The following KCNQ1OT1 variants were observed in gnomAD, a reference collection of about 807,000 sequenced individuals.
KCNQ1OT1 encodes the protein KCNQ1 opposite strand/antisense transcript 1.
rs2133887756 is a variant in KCNQ1OT1, at chr11:2,687,389, T to C, written n.12606A>G. On this transcript the variant is annotated non_coding_transcript_exon_variant, in exon 1 of 1. Transcript: ENST00000597346. The surrounding 1 kb of genome is among the most constrained non-coding windows in gnomAD (Gnocchi z 5.0). ...GCTGTCACTCAGGGCTGAGCTCTGC[T>C]GAAGGATCTGGGAGGTCAGTAGGCA... 2.5e-6 allele frequency: 1 copy of C among 398,664 alleles called. No individual in the cohort carries two copies. Among genetic ancestry groups the C allele is most frequent in the African/African-American group, 2.1e-5 (1 of 48,754 alleles). The allele number at this position is 398,664 out of a possible 1,614,324, so 24.7% of individuals were successfully genotyped here. A position where few individuals can be genotyped will look rare whatever the true frequency, so the allele number is the denominator to read the frequency against.
At chr11:2,632,695 C>A in exon 1 of KCNQ1OT1, 1 of 398,202 alleles carries the variant, frequency 2.5e-6, no homozygotes, top group Non-Finnish European at 4.4e-6. Flanking sequence ...TCTTTCTGTG[C>A]CTAATTTCAT....
Position 2,663,581 on chromosome 11 carries a change from G to C in KCNQ1OT1, n.36414C>G, listed in dbSNP as rs1850008687. 1 of 398,590 alleles carries C rather than the reference G, an allele frequency of 2.5e-6. No individual in the cohort carries two copies. Among genetic ancestry groups the C allele is most frequent in the South Asian group, 1.3e-4 (1 of 7,814 alleles). 24.7% of individuals were successfully genotyped at this position (398,590 alleles called of 1,614,324 possible). On this transcript the variant is annotated non_coding_transcript_exon_variant, in exon 1 of 1. Transcript: ENST00000597346. This position sits in a 1 kb window ranked among gnomAD's most constrained non-coding sequence, Gnocchi z 5.2. The stretch of plus-strand genomic sequence containing the variant: ...TTCTGGCTGCTTGCTTCTCCTGTTG[G>C]AGCTCTCGCTCACCTTGGTTCTCTT...
At position 2,613,015 on chromosome 11, in the gene KCNQ1OT1, T is replaced by C. The variant is rs369352207; in HGVS notation, n.86980A>G. 2.5e-6 allele frequency: 1 copy of C among 398,638 alleles called. No homozygotes were observed. The highest frequency in any genetic ancestry group is 4.4e-6 in the Non-Finnish European group (1 of 226,084). The allele number at this position is 398,638 out of a possible 1,614,324, so 24.7% of individuals were successfully genotyped here. ...TCAGTTTTGTTTGTTTTAATTCTTA[T>C]GTTTGTTTTGTAAGCCTGGCTTCAT... is the stretch of plus-strand genomic sequence containing the variant. On this transcript the variant is annotated non_coding_transcript_exon_variant, in exon 1 of 1. Coordinates refer to ENST00000597346, the Ensembl canonical transcript of KCNQ1OT1. This position sits in a 1 kb window ranked among gnomAD's most constrained non-coding sequence, Gnocchi z 4.8.
Position 2,659,073 on chromosome 11 carries a change from C to A in KCNQ1OT1, n.40922G>T, listed in dbSNP as rs185801652. 1.8e-4 allele frequency: 70 copies of A among 398,594 alleles called. No homozygotes were observed. Among genetic ancestry groups the A allele is most frequent in the South Asian group, 7.6e-4 (6 of 7,850 alleles). 24.7% of individuals were successfully genotyped at this position (398,594 alleles called of 1,614,324 possible). On this transcript the variant is annotated non_coding_transcript_exon_variant, in exon 1 of 1. Coordinates refer to ENST00000597346, the Ensembl canonical transcript of KCNQ1OT1. The surrounding 1 kb of genome is among the most constrained non-coding windows in gnomAD (Gnocchi z 4.3). ...TTGTTTGTAACACGCTCATCATAGT[C>A]TGCTTTTCATCGTAGGGTCCTCCAA...
chr11:2,628,219 T>C (rs1849291595), exon 1 of KCNQ1OT1: 2 of 398,532 alleles, frequency 5.0e-6, no homozygotes, highest in East Asian at 3.6e-5. Flanking sequence ...TATCGTGTTT[T>C]CCATAATGAC....
In KCNQ1OT1 at chr11:2,620,550, A is replaced by G. The variant is rs1274201151; in HGVS notation, n.79445T>C. 1 of 396,080 alleles carries G rather than the reference A, an allele frequency of 2.5e-6. No homozygotes were observed. The highest frequency in any genetic ancestry group is 4.4e-6 in the Non-Finnish European group (1 of 225,098). The allele number at this position is 396,080 out of a possible 1,614,324, so 24.5% of individuals were successfully genotyped here. Reference sequence around the variant, plus strand: ...CATTTTTATGGCTGCATAGTATTCCATGGTGTACATGTACCACATTTTCTT... The same window carrying G: ...CATTTTTATGGCTGCATAGTATTCCGTGGTGTACATGTACCACATTTTCTT... On this transcript the variant is annotated non_coding_transcript_exon_variant, in exon 1 of 1. Coordinates refer to ENST00000597346, the Ensembl canonical transcript of KCNQ1OT1. The surrounding 1 kb of genome is among the most constrained non-coding windows in gnomAD (Gnocchi z 4.5).
exon 1 of KCNQ1OT1, chr11:2,633,277 C>A (rs1260650940): frequency 2.5e-6 from 1 of 398,372 alleles, no homozygotes; most frequent in Non-Finnish European, 4.4e-6. Flanking sequence ...CTTGTATATT[C>A]CGGATATTAA....
At position 2,674,684 on chromosome 11, in the gene KCNQ1OT1, G is replaced by C. The variant is rs1252135823; in HGVS notation, n.25311C>G. 1 of 398,354 alleles carries C rather than the reference G, an allele frequency of 2.5e-6. No individual in the cohort carries two copies. The highest frequency in any genetic ancestry group is 3.6e-5 in the East Asian group (1 of 28,078). The allele number at this position is 398,354 out of a possible 1,614,324, so 24.7% of individuals were successfully genotyped here. ...TGCAAAATAATTTGAAAAGTTTGTT[G>C]AACCTTAAACCTTTCCTGATGACTC... On this transcript the variant is annotated non_coding_transcript_exon_variant, in exon 1 of 1. Coordinates refer to ENST00000597346, the Ensembl canonical transcript of KCNQ1OT1. This position sits in a 1 kb window ranked among gnomAD's most constrained non-coding sequence, Gnocchi z 5.9.
rs1849176976 is a variant in KCNQ1OT1 at position 2,621,811 on chromosome 11, G to C, written n.78184C>G. The C allele has an allele frequency of 2.5e-6, 1 of 397,916 alleles. No homozygotes were observed. Among genetic ancestry groups the C allele is most frequent in the South Asian group, 1.3e-4 (1 of 7,850 alleles). 24.6% of individuals were successfully genotyped at this position (397,916 alleles called of 1,614,324 possible). On this transcript the variant is annotated non_coding_transcript_exon_variant, in exon 1 of 1. Transcript: ENST00000597346. This position sits in a 1 kb window ranked among gnomAD's most constrained non-coding sequence, Gnocchi z 5.7. The stretch of plus-strand genomic sequence containing the variant: ...TTTATTTTTCAAAAATCAATTCTTT[G>C]TTTCAAAAATTGAAGTCTTAGTTTT...
chr11:2,634,642 G>T (rs1229076531), exon 1 of KCNQ1OT1: 1 of 152,080 alleles, frequency 6.6e-6, no homozygotes, highest in African/African-American at 2.4e-5. Flanking sequence ...ATAAACATAC[G>T]TGTGCATGTG....
At position 2,668,333 on chromosome 11, in the gene KCNQ1OT1, C is replaced by T; in HGVS notation, n.31662G>A. The T allele has an allele frequency of 2.5e-6, 1 of 398,614 alleles. No homozygotes were observed. Among genetic ancestry groups the T allele is most frequent in the Non-Finnish European group, 4.4e-6 (1 of 226,090 alleles). The allele number at this position is 398,614 out of a possible 1,614,324, so 24.7% of individuals were successfully genotyped here. On this transcript the variant is annotated non_coding_transcript_exon_variant, in exon 1 of 1. Coordinates refer to ENST00000597346, the Ensembl canonical transcript of KCNQ1OT1. The surrounding 1 kb of genome is among the most constrained non-coding windows in gnomAD (Gnocchi z 4.3). ...GGGGAATATATGCCTATGTGTGGAG[C>T]TGCAGGGTCCTGGGTGGGCATATGT...
chr11:2,660,842 T>C (rs1849941967), exon 1 of KCNQ1OT1: 1 of 398,606 alleles, frequency 2.5e-6, no homozygotes, highest in African/African-American at 2.1e-5. Context: ...CTCACCCTGC[T>C]CCAGTATGTC....
chr11:2,671,690 A>ATAG lies in KCNQ1OT1; in HGVS notation n.28302_28304dup. 1 of 398,796 alleles carries ATAG rather than the reference A, an allele frequency of 2.5e-6. No individual in the cohort carries two copies. Among genetic ancestry groups the ATAG allele is most frequent in the Non-Finnish European group, 4.4e-6 (1 of 226,202 alleles). 24.7% of individuals were successfully genotyped at this position (398,796 alleles called of 1,614,324 possible). ...AGAGCAGGGGTGACTTTGCAAGGCA[A>ATAG]TAGAGGGTACTTGGGAAGTAGGGTG... On this transcript the variant is annotated non_coding_transcript_exon_variant, in exon 1 of 1. Coordinates refer to ENST00000597346, the Ensembl canonical transcript of KCNQ1OT1. The surrounding 1 kb of genome is among the most constrained non-coding windows in gnomAD (Gnocchi z 4.7).
exon 1 of KCNQ1OT1, chr11:2,650,323 T>C (rs1006254994): frequency 2.8e-5 from 11 of 398,522 alleles, no homozygotes; most frequent in Non-Finnish European, 4.9e-5. Flanking sequence ...TTCTTGTTTT[T>C]TTCCCCCCAA....
At position 2,654,599 on chromosome 11, in the gene KCNQ1OT1, G is replaced by C. The variant is rs1475725047; in HGVS notation, n.45396C>G. 2.5e-6 allele frequency: 1 copy of C among 398,800 alleles called. No homozygotes were observed. The highest frequency in any genetic ancestry group is 4.4e-6 in the Non-Finnish European group (1 of 226,226). The allele number at this position is 398,800 out of a possible 1,614,324, so 24.7% of individuals were successfully genotyped here. A position where few individuals can be genotyped will look rare whatever the true frequency, so the allele number is the denominator to read the frequency against. On this transcript the variant is annotated non_coding_transcript_exon_variant, in exon 1 of 1. Coordinates refer to ENST00000597346, the Ensembl canonical transcript of KCNQ1OT1. The surrounding 1 kb of genome is among the most constrained non-coding windows in gnomAD (Gnocchi z 6.4). ...AGGAGGGGAAGGGCAGGGGGTGAGT[G>C]GTTGGGTGAAGTTACTAGGAAGGGC...
At position 2,621,475 on chromosome 11, in the gene KCNQ1OT1, T is replaced by C. The variant is rs1589986711; in HGVS notation, n.78520A>G. ...TTGCCAGATGAATAGTTTGCAAATA[T>C]TTTTTCTCCCATTCTATATGTTGTC... is the stretch of plus-strand genomic sequence containing the variant. On this transcript the variant is annotated non_coding_transcript_exon_variant, in exon 1 of 1. Coordinates refer to ENST00000597346, the Ensembl canonical transcript of KCNQ1OT1. The surrounding 1 kb of genome is among the most constrained non-coding windows in gnomAD (Gnocchi z 5.7). 2.5e-6 allele frequency: 1 copy of C among 397,972 alleles called. No homozygotes were observed. The allele number at this position is 397,972 out of a possible 1,614,324, so 24.7% of individuals were successfully genotyped here.
chr11:2,683,193 C>T lies in KCNQ1OT1; in HGVS notation n.16802G>A. On this transcript the variant is annotated non_coding_transcript_exon_variant, in exon 1 of 1. Coordinates refer to ENST00000597346, the Ensembl canonical transcript of KCNQ1OT1. The surrounding 1 kb of genome is among the most constrained non-coding windows in gnomAD (Gnocchi z 4.7). ...ATCTGCATTAAAAGGCTCCCACTGA[C>T]AGCTCATGCATTGTGATGGAACTAG... The T allele has an allele frequency of 2.5e-6, 1 of 398,668 alleles. No homozygotes were observed. The highest frequency in any genetic ancestry group is 1.3e-4 in the South Asian group (1 of 7,860). The allele number at this position is 398,668 out of a possible 1,614,324, so 24.7% of individuals were successfully genotyped here. A position where few individuals can be genotyped will look rare whatever the true frequency, so the allele number is the denominator to read the frequency against.
chr11:2,618,375 C>T (rs1040745264), exon 1 of KCNQ1OT1: 7 of 398,380 alleles, frequency 1.8e-5, no homozygotes, highest in Non-Finnish European at 2.7e-5. Context: ...TCATTAAAGC[C>T]ATCCTGGGCT....
chr11:2,667,256 G>C (rs1370293031), exon 1 of KCNQ1OT1: 1 of 398,552 alleles, frequency 2.5e-6, no homozygotes, highest in African/African-American at 2.1e-5. Flanking sequence ...ACGTGAGGAA[G>C]AAGCGGCTGG....
Sources: allele counts gnomAD v4.1 joint callset, GRCh38; gene constraint gnomAD v4.1.1; non-coding constraint Gnocchi (gnomAD v3.1); transcripts MANE v1.5; gene names NCBI Gene and HGNC (gene_info 2026-07-23, HGNC 2026-07-21).